CHD5: variants seen among roughly 807,000 people sequenced by gnomAD.
CHD5 encodes the protein chromodomain helicase DNA binding protein 5.
Under a neutral mutation model 230.3 loss-of-function variants are expected in CHD5, and 69 were observed. The ratio of observed to expected loss-of-function variants is 0.30; its 90% CI spans 0.25 to 0.37. CHD5 has a LOEUF of 0.37. Ranked by LOEUF, CHD5 falls within the 10% of genes least tolerant of loss-of-function variation. CHD5 has a pLI of 1.00. For synonymous variants in CHD5, 1,064 were observed against 1,065.9 expected, an observed-to-expected ratio of 1.00 and a Z score of 0.03; for missense variants, 1,827 against 2,622.8, an observed-to-expected ratio of 0.70 and a Z score of 6.63.
At position 6,130,012 on chromosome 1, in the gene CHD5, C is replaced by G. The variant is rs1666628625; in HGVS notation, c.3387+192G>C. On this transcript the variant is annotated intron_variant, in intron 22 of 41. Transcript: ENST00000262450. The surrounding 1 kb of genome is among the most constrained non-coding windows in gnomAD (Gnocchi z 4.9). ...CTTCCTCCTCTGGACAAGGACAGAG[C>G]TGGAGGGATGGGGGCCAAGCTTCCA... 4 of 648,940 alleles carry G rather than the reference C, an allele frequency of 6.2e-6. No individual in the cohort carries two copies. Among genetic ancestry groups the G allele is most frequent in the South Asian group, 1.8e-5 (1 of 54,944 alleles). 40.2% of individuals were successfully genotyped at this position (648,940 alleles called of 1,614,324 possible).
At chr1:6,115,751 G>A (rs1400368041) in intron 33 of CHD5, among the ~76,000 whole-genome samples, 10 of 152,150 alleles carry the variant, frequency 6.6e-5, no homozygotes, top group South Asian at 2.1e-4. Flanking sequence ...CAACCCACTC[G>A]ATACTTTGAT....
rs531627754 is a variant in CHD5, at chr1:6,112,345, C to A, written c.5003-68G>T. 3.8e-6 allele frequency: 6 copies of A among 1,583,326 alleles called. No individual in the cohort carries two copies. The African/African-American group carries it at 8.1e-5, about 21-fold the overall frequency. ...AGCAGTGCCCAGCGGCCTCTCTCTG[C>A]CAAGCACGGGGGACCCAGGAGGCAA... is the stretch of plus-strand genomic sequence containing the variant. On this transcript the variant is annotated intron_variant, in intron 34 of 41. Transcript: ENST00000262450.
intron 36 of CHD5, among the ~76,000 whole-genome samples, chr1:6,111,061 C>T (rs1666279765): frequency 6.6e-6 from 1 of 151,594 alleles, no homozygotes; most frequent in African/African-American, 2.4e-5. Context: ...GAAACCCCGT[C>T]TCTACTAAAA....
Position 6,143,920 on chromosome 1 carries a change from A to G in CHD5, c.1946T>C (p.Leu649Pro). 1 of 1,613,910 alleles carries G rather than the reference A, an allele frequency of 6.2e-7. No homozygotes were observed. The highest frequency in any genetic ancestry group is 8.5e-7 in the Non-Finnish European group (1 of 1,179,982). The change falls in exon 13 of 42, where the codon CTG becomes CCG. Residue 649 changes from leucine (L) to proline (P), a missense_variant. Physicochemically the swap from Leu to Pro is moderately conservative, Grantham distance 98. Around this residue, in one of 14 missense-constraint regions of CHD5, gnomAD observed 657 missense variants for 816.4 expected, o/e 0.80. Coordinates refer to ENST00000262450, the MANE Select transcript of CHD5 (RefSeq NM_015557.3). ...QAYWGHRELM[L>P]GEDTRLPKRL... ...CTTGGGCAGCCTGGTGTCTTCTCCC[A>G]GCATCAGCTCCCTGGGAAACGGCAT...
In CHD5 at chr1:6,110,002, G is replaced by A; in HGVS notation, c.5383-12C>T. 6.6e-7 allele frequency: 1 copy of A among 1,520,210 alleles called. No individual in the cohort carries two copies. The highest frequency in any genetic ancestry group is 1.3e-5 in the South Asian group (1 of 76,308). The allele number at this position is 1,520,210 out of a possible 1,614,324, so 94.2% of individuals were successfully genotyped here. ...GCCTGCTCCAGCAGCTGGGGGCGGG[G>A]CGCAGCGTCGGCCCGGCCCCTCCCG... On this transcript the variant is annotated splice_polypyrimidine_tract_variant and intron_variant, in intron 37 of 41. Transcript: ENST00000262450.
chr1:6,130,189 G>C lies in CHD5; in HGVS notation c.3387+15C>G. The C allele has an allele frequency of 6.2e-7, 1 of 1,613,224 alleles. No individual in the cohort carries two copies. ...GAGGCCCCCTGGGAGGGTGGTGGGC[G>C]GCAGCAGCACAGACCTGGATGTCAT... On this transcript the variant is annotated intron_variant, in intron 22 of 41. Transcript: ENST00000262450. The surrounding 1 kb of genome is among the most constrained non-coding windows in gnomAD (Gnocchi z 4.9).
chr1:6,165,664 A>C (rs1415358285), intron 2 of CHD5, among the ~76,000 whole-genome samples: 1 of 151,732 alleles, frequency 6.6e-6, no homozygotes, highest in Non-Finnish European at 1.5e-5. Context: ...TTGCAGCTCC[A>C]GAGCCATCTA....
Position 6,124,661 on chromosome 1 carries a change from TCTGGGGTGGGGGGGGGGGA to T in CHD5, c.4395-19_4395-1del. On this transcript the variant is annotated splice_acceptor_variant and splice_polypyrimidine_tract_variant and intron_variant, in intron 29 of 41. Coordinates refer to ENST00000262450, the MANE Select transcript of CHD5 (RefSeq NM_015557.3). LOFTEE classifies it high-confidence loss of function. Reference sequence around the variant, plus strand: ...GCCGCATGAAGAGGGACACATAGGCTCTGGGGTGGGGGGGGGGGACTGGGGCTCAGGGAGTGGGGGGCCG... The same window carrying T: ...GCCGCATGAAGAGGGACACATAGGCTCTGGGGCTCAGGGAGTGGGGGGCCG... 5 of 193,162 alleles carry T rather than the reference TCTGGGGTGGGGGGGGGGGA, an allele frequency of 2.6e-5. No homozygotes were observed. Among genetic ancestry groups the T allele is most frequent in the Non-Finnish European group, 4.5e-5 (5 of 110,950 alleles). 12.0% of individuals were successfully genotyped at this position (193,162 alleles called of 1,614,324 possible). A position where few individuals can be genotyped will look rare whatever the true frequency, so the allele number is the denominator to read the frequency against.
At chr1:6,172,268 T>C (rs1015561021) in intron 1 of CHD5, among the ~76,000 whole-genome samples, 1 of 152,222 alleles carries the variant, frequency 6.6e-6, no homozygotes, top group African/African-American at 2.4e-5. Context: ...CTAGGACTGA[T>C]TAATTTGTAT....
At chr1:6,127,378 T>A (rs1257867832) in intron 25 of CHD5, among the ~76,000 whole-genome samples, 1 of 152,076 alleles carries the variant, frequency 6.6e-6, no homozygotes. Context: ...TCCCAGCTAC[T>A]TGGGAGCTGA....
At position 6,149,086 on chromosome 1, in the gene CHD5, A is replaced by AGGCCAGGTGGAGGC; in HGVS notation, c.1162-25_1162-12dup. On this transcript the variant is annotated splice_polypyrimidine_tract_variant and intron_variant, in intron 8 of 41. Transcript: ENST00000262450. ...GATCCCCTCCTTCTCCTGGGGGAGG[A>AGGCCAGGTGGAGGC]GGCCAGGTGGAGGCACCCTGGGCGG... 1 of 1,498,636 alleles carries AGGCCAGGTGGAGGC rather than the reference A, an allele frequency of 6.7e-7. No homozygotes were observed. Among genetic ancestry groups the AGGCCAGGTGGAGGC allele is most frequent in the Non-Finnish European group, 8.9e-7 (1 of 1,121,056 alleles). The allele number at this position is 1,498,636 out of a possible 1,614,324, so 92.8% of individuals were successfully genotyped here. A position where few individuals can be genotyped will look rare whatever the true frequency, so the allele number is the denominator to read the frequency against.
In CHD5 at chr1:6,131,125, C is replaced by A. The variant is rs956025602; in HGVS notation, c.3262+506G>T. Among the ~76,000 whole-genome samples, 3 of 152,210 alleles carry A rather than the reference C, an allele frequency of 2.0e-5. No individual in the cohort carries two copies. The highest frequency in any genetic ancestry group is 7.2e-5 in the African/African-American group (3 of 41,454). Reference sequence around the variant, plus strand: ...CGACTGCTTCCCACTCCAGAAGTTTCTTTTGCTACAGGAGGAACTCCACCG... The same window carrying A: ...CGACTGCTTCCCACTCCAGAAGTTTATTTTGCTACAGGAGGAACTCCACCG... On this transcript the variant is annotated intron_variant, in intron 21 of 41. Transcript: ENST00000262450. The surrounding 1 kb of genome is among the most constrained non-coding windows in gnomAD (Gnocchi z 5.0).
At chr1:6,163,378 C>T (rs938986188) in intron 2 of CHD5, among the ~76,000 whole-genome samples, 2 of 152,232 alleles carry the variant, frequency 1.3e-5, no homozygotes, top group Admixed American at 1.3e-4. Context: ...GCCTCCACCA[C>T]ATGGAGCCCG....
rs1243175887 is a variant in CHD5 at position 6,154,279 on chromosome 1, C to G, written c.745+381G>C. Among the ~76,000 whole-genome samples the G allele has an allele frequency of 6.6e-6, 1 of 152,174 alleles. No homozygotes were observed. Among genetic ancestry groups the G allele is most frequent in the East Asian group, 1.9e-4 (1 of 5,186 alleles). On this transcript the variant is annotated intron_variant, in intron 5 of 41. Coordinates refer to ENST00000262450, the MANE Select transcript of CHD5 (RefSeq NM_015557.3). The surrounding 1 kb of genome is among the most constrained non-coding windows in gnomAD (Gnocchi z 7.0). ...TCCTCCTCCCCAGAAACGGCACAGG[C>G]TCAAACCCAAGAGCCTGCCAACTCC... is the stretch of plus-strand genomic sequence containing the variant.
chr1:6,126,861 G>A lies in CHD5; in HGVS notation c.3904-115C>T, dbSNP rs1666567147. On this transcript the variant is annotated intron_variant, in intron 25 of 41. Transcript: ENST00000262450. The surrounding 1 kb of genome is among the most constrained non-coding windows in gnomAD (Gnocchi z 5.7). The stretch of plus-strand genomic sequence containing the variant: ...CCCCTCAGGGCTCAAGGATTAATGG[G>A]ATGGCCTGCCTACTCCAGGAAGCCT... 1.1e-6 allele frequency: 1 copy of A among 915,516 alleles called. No homozygotes were observed. Among genetic ancestry groups the A allele is most frequent in the East Asian group, 2.6e-5 (1 of 38,112 alleles). The allele number at this position is 915,516 out of a possible 1,614,324, so 56.7% of individuals were successfully genotyped here.
chr1:6,168,012 TG>T, intron 2 of CHD5, 137 bp downstream of exon 2: 1 of 1,038,244 alleles, frequency 9.6e-7, no homozygotes, highest in Non-Finnish European at 1.4e-6. Flanking sequence ...AAACTGGTTA[TG>T]GTGTTTTTCA....
At chr1:6,158,735 C>T (rs1667117499) in intron 3 of CHD5, among the ~76,000 whole-genome samples, 1 of 152,070 alleles carries the variant, frequency 6.6e-6, no homozygotes, top group Non-Finnish European at 1.5e-5. Context: ...AGGCCGGGCG[C>T]GGTGGCTCAC....
chr1:6,169,897 C>A (rs968503383), intron 1 of CHD5, among the ~76,000 whole-genome samples: 16 of 152,098 alleles, frequency 1.1e-4, no homozygotes, highest in African/African-American at 2.9e-4. Context: ...GCCATGGACA[C>A]CCCAGGCCTG....
intron 25 of CHD5, 75 bp downstream of exon 25, chr1:6,127,971 G>T: frequency 7.5e-7 from 1 of 1,327,582 alleles, no homozygotes; most frequent in Non-Finnish European, 1.0e-6. Flanking sequence ...CACAGTGGAA[G>T]GCGTGGACAC....
Sources: allele counts gnomAD v4.1 joint callset (sites outside exome capture counted in the v4.1 genomes callset), GRCh38; gene constraint gnomAD v4.1.1; regional missense constraint gnomAD v4.1.1; non-coding constraint Gnocchi (gnomAD v3.1); transcripts MANE v1.5; gene names NCBI Gene and HGNC (gene_info 2026-07-23, HGNC 2026-07-21).